The following PSEN2 variants were observed in gnomAD, a reference collection of about 807,000 sequenced individuals.
PSEN2 encodes presenilin-2.
A neutral mutation model predicts 49.1 loss-of-function variants in PSEN2; 32 were observed. That is an observed-to-expected ratio of 0.65 (90% CI 0.49 to 0.88). The LOEUF (loss-of-function observed/expected upper bound fraction) is 0.88. PSEN2 is among the 40% of genes least tolerant of loss of function. The pLI is 0.00. For synonymous variants in PSEN2, 255 were observed against 244.0 expected (o/e 1.05, Z -0.42); for missense variants, 522 against 586.9 (o/e 0.89, Z 1.14).
intron 8 of PSEN2, 103 bp downstream of exon 8, chr1:226,889,152 C>A: frequency 9.2e-7 from 1 of 1,092,128 alleles, no homozygotes; most frequent in Non-Finnish European, 1.3e-6. Flanking sequence ...GCTTGCATCC[C>A]TTTCTGCAGA....
At chr1:226,879,109 C>T (rs1429364050) in intron 3 of PSEN2, among the ~76,000 whole-genome samples, 1 of 152,124 alleles carries the variant, frequency 6.6e-6, no homozygotes, top group African/African-American at 2.4e-5. Flanking sequence ...TGGGCTCAAG[C>T]GATCTGTCTG....
chr1:226,892,273 A>T (rs1379267974), intron 11 of PSEN2, among the ~76,000 whole-genome samples: 1 of 152,164 alleles, frequency 6.6e-6, no homozygotes, highest in Non-Finnish European at 1.5e-5. Context: ...CTGAGCTCTG[A>T]AGGTTGAGTC....
At chr1:226,872,475 C>G (rs543862825) in intron 2 of PSEN2, among the ~76,000 whole-genome samples, 1 of 152,342 alleles carries the variant, frequency 6.6e-6, no homozygotes, top group South Asian at 2.1e-4. Flanking sequence ...ACATAGCTGG[C>G]TACACTGTCT....
At chr1:226,878,089 T>C (rs1484094323) in intron 3 of PSEN2, among the ~76,000 whole-genome samples, 1 of 151,346 alleles carries the variant, frequency 6.6e-6, no homozygotes, top group Non-Finnish European at 1.5e-5. Flanking sequence ...TTTTCTTTCT[T>C]TTTTTTTTGA....
intron 12 of PSEN2, among the ~76,000 whole-genome samples, chr1:226,902,100 T>G (rs1365076702): frequency 6.6e-6 from 1 of 152,150 alleles, no homozygotes; most frequent in Non-Finnish European, 1.5e-5. Context: ...AGACAGTTTT[T>G]CCACAGATAG....
chr1:226,877,974 G>A (rs979226501), intron 3 of PSEN2, among the ~76,000 whole-genome samples: 1 of 152,112 alleles, frequency 6.6e-6, no homozygotes, highest in Non-Finnish European at 1.5e-5. Flanking sequence ...ACATGGAAAG[G>A]GTATGGTCCT....
intron 2 of PSEN2, among the ~76,000 whole-genome samples, chr1:226,872,315 T>C (rs887773208): frequency 2.0e-5 from 3 of 152,246 alleles, no homozygotes; most frequent in African/African-American, 7.2e-5. Flanking sequence ...AAAAGCTATC[T>C]TGTACAGAAT....
At chr1:226,897,804 G>A (rs985994830), downstream of PSEN2, 2 of 155,484 alleles carry the variant, frequency 1.3e-5, no homozygotes, top group African/African-American at 4.8e-5. Flanking sequence ...CTGTCCTGAA[G>A]TCGATTTCTG....
chr1:226,891,643 A>C, intron 10 of PSEN2, 100 bp from the exon 11 acceptor site: 1 of 1,148,822 alleles, frequency 8.7e-7, no homozygotes, highest in Non-Finnish European at 1.3e-6. Flanking sequence ...CCCTTCTTGG[A>C]GCTTTGTTCC....
At chr1:226,902,121 G>T (rs949277926) in intron 12 of PSEN2, among the ~76,000 whole-genome samples, 1 of 152,126 alleles carries the variant, frequency 6.6e-6, no homozygotes, top group Admixed American at 6.5e-5. Context: ...GGGTTGGGGG[G>T]ATGATTTGGA....
chr1:226,883,411 A>G (rs1179074064), intron 4 of PSEN2, among the ~76,000 whole-genome samples: 1 of 152,158 alleles, frequency 6.6e-6, no homozygotes, highest in Non-Finnish European at 1.5e-5. Flanking sequence ...CTGTATTAGG[A>G]AGGGGAAAGA....
chr1:226,880,985 G>A (rs1341348551), intron 3 of PSEN2, among the ~76,000 whole-genome samples: 3 of 152,246 alleles, frequency 2.0e-5, no homozygotes, highest in East Asian at 1.9e-4. Flanking sequence ...GGTCTTTCCC[G>A]AGACTCTCTT....
intron 5 of PSEN2, 42 bp from the exon 6 acceptor site, chr1:226,885,496 C>T: frequency 6.2e-7 from 1 of 1,608,726 alleles, no homozygotes; most frequent in Non-Finnish European, 8.5e-7. Flanking sequence ...CCTCGAGGAG[C>T]AGTCAGGGCC....
At chr1:226,873,690 A>G (rs538086351) in intron 2 of PSEN2, among the ~76,000 whole-genome samples, 1 of 152,204 alleles carries the variant, frequency 6.6e-6, no homozygotes, top group Non-Finnish European at 1.5e-5. Context: ...TGCTGGTATT[A>G]CAAGCATAAG....
Position 226,895,465 on chromosome 1 carries a change from G to C in PSEN2, c.1233G>C (p.Lys411Asn). 1.9e-6 allele frequency: 3 copies of C among 1,614,070 alleles called. No individual in the cohort carries two copies. The highest frequency in any genetic ancestry group is 2.5e-6 in the Non-Finnish European group (3 of 1,180,028). ...TCCTGCTGCTTGCTGTGTTCAAGAAGGCGCTGCCCGCCCTCCCCATCTCCA... is the reference window on the plus strand; with the variant it reads ...TCCTGCTGCTTGCTGTGTTCAAGAACGCGCTGCCCGCCCTCCCCATCTCCA... ...LTLLLLAVFK[K>N]ALPALPISIT... Residue 411 changes from lysine to asparagine, a missense_variant, in exon 13 of 13, where the codon AAG becomes AAC. Transcript: ENST00000366783.
At chr1:226,882,120 G>A (rs1304979523) in intron 4 of PSEN2, 72 bp downstream of exon 4, 1 of 1,578,738 alleles carries the variant, frequency 6.3e-7, no homozygotes, top group African/African-American at 1.3e-5. Flanking sequence ...ATGAAAACCA[G>A]ACATTCATTC....
intron 7 of PSEN2, 44 bp downstream of exon 7, chr1:226,888,202 A>ATGTCCACT: frequency 6.6e-7 from 1 of 1,521,370 alleles, no homozygotes; most frequent in Non-Finnish European, 9.1e-7. Flanking sequence ...GCCCCTCTCC[A>ATGTCCACT]TGTGGCACAA....
chr1:226,883,943 CAGGGTGGGGTGAGGGCTGAGTTG>C, intron 5 of PSEN2, 24 bp downstream of exon 5: 5 of 1,158,164 alleles, frequency 4.3e-6, no homozygotes, highest in East Asian at 3.1e-5. Context: ...CTGGGGGGAG[CAGGGTGGGGTGAGGGCTGAGTTG>C]CCAGGGGGTG....
chr1:226,892,178 A>T (rs1402539698), intron 11 of PSEN2, among the ~76,000 whole-genome samples: 1 of 149,426 alleles, frequency 6.7e-6, no homozygotes, highest in Admixed American at 6.6e-5. Context: ...GGGGTTGGGG[A>T]GGGGCGGCAG....
Sources: allele counts gnomAD v4.1 joint callset (sites outside exome capture counted in the v4.1 genomes callset), GRCh38; gene constraint gnomAD v4.1.1; transcripts MANE v1.5; gene names NCBI Gene and HGNC (gene_info 2026-07-23, HGNC 2026-07-21).